Variants in DMRT2 observed in about 807,000 individuals in gnomAD.
DMRT2 encodes doublesex and mab-3 related transcription factor 2.
In DMRT2, 33 loss-of-function variants were observed where a neutral mutation model predicts 43.5. That is an observed-to-expected ratio of 0.76 (90% CI 0.58 to 1.01). The LOEUF (loss-of-function observed/expected upper bound fraction) is 1.01, where lower values mean the gene tolerates loss of function less well. Among genes scored for constraint, DMRT2 ranks in the 50% least tolerant of loss-of-function variants. The pLI is 0.00. For synonymous variants in DMRT2, 395 were observed against 309.2 expected (o/e 1.28, Z -2.91); for missense variants, 1,064 against 748.0 (o/e 1.42, Z -4.93).
intron 2 of DMRT2, chr9:1,052,916 T>G (rs982162720): frequency 6.6e-6 from 1 of 152,372 alleles, no homozygotes; most frequent in African/African-American, 2.4e-5. Flanking sequence ...AATTTTACTT[T>G]TTGGCGGAGA....
rs1350450193 is a variant in DMRT2 at position 1,051,885 on chromosome 9, C to A, written c.272C>A (p.Ala91Glu). 4 of 1,367,364 alleles carry A rather than the reference C, an allele frequency of 2.9e-6. No individual in the cohort carries two copies. The highest frequency in any genetic ancestry group is 3.7e-6 in the Non-Finnish European group (4 of 1,070,820). The allele number at this position is 1,367,364 out of a possible 1,614,324, so 84.7% of individuals were successfully genotyped here. A position where few individuals can be genotyped will look rare whatever the true frequency, so the allele number is the denominator to read the frequency against. Residue 91 changes from alanine to glutamate, a missense_variant, in exon 2 of 4, where the codon GCG (alanine) becomes GAG (glutamate). Coordinates refer to ENST00000358146, the MANE Select transcript of DMRT2 (RefSeq NM_181872.6). The surrounding 1 kb of genome is among the most constrained non-coding windows in gnomAD (Gnocchi z 5.9). The part of the protein sequence containing the change: ...RGGPQPRPPL[A>E]PQASPAGTGP... ...GGACCGCAGCCGAGGCCGCCGCTCG[C>A]GCCTCAGGCCTCACCCGCCGGCACC...
intron 3 of DMRT2, chr9:1,055,740 A>C (rs751953407): frequency 2.7e-6 from 4 of 1,500,378 alleles, no homozygotes; most frequent in Non-Finnish European, 3.6e-6. Flanking sequence ...GGATTATTCT[A>C]CAGCTATTAT....
Position 1,052,146 on chromosome 9 carries a change from C to A in DMRT2, c.525+8C>A. 7.3e-7 allele frequency: 1 copy of A among 1,373,684 alleles called. No individual in the cohort carries two copies. Among genetic ancestry groups the A allele is most frequent in the Non-Finnish European group, 9.3e-7 (1 of 1,069,774 alleles). 85.1% of individuals were successfully genotyped at this position (1,373,684 alleles called of 1,614,324 possible). A position where few individuals can be genotyped will look rare whatever the true frequency, so the allele number is the denominator to read the frequency against. On this transcript the variant is annotated splice_region_variant and intron_variant, in intron 2 of 3. Transcript: ENST00000358146. Reference sequence around the variant, plus strand: ...AGGCAGCAGGCCACCGAGGTGCGTACCCGCCCGGCCCGGGCGTCTCAGGCC... The same window carrying A: ...AGGCAGCAGGCCACCGAGGTGCGTAACCGCCCGGCCCGGGCGTCTCAGGCC...
rs1198518919 is a variant in DMRT2, at chr9:1,051,108, G to C, written c.-45+333G>C. Among the ~76,000 whole-genome samples, 4 of 152,190 alleles carry C rather than the reference G, an allele frequency of 2.6e-5. No individual in the cohort carries two copies. The highest frequency in any genetic ancestry group is 4.4e-5 in the Non-Finnish European group (3 of 68,046). On this transcript the variant is annotated intron_variant, in intron 1 of 3. Coordinates refer to ENST00000358146, the MANE Select transcript of DMRT2 (RefSeq NM_181872.6). The surrounding 1 kb of genome is among the most constrained non-coding windows in gnomAD (Gnocchi z 5.9). Reference sequence around the variant, plus strand: ...ATGAGAGGCATTTGGGAAGCATAGAGTGGTACTTCAGTGAGTCTGAAGGGC... The same window carrying C: ...ATGAGAGGCATTTGGGAAGCATAGACTGGTACTTCAGTGAGTCTGAAGGGC...
intron 3 of DMRT2, among the ~76,000 whole-genome samples, chr9:1,054,392 GCT>G (rs1233067229): frequency 1.3e-5 from 2 of 149,726 alleles, no homozygotes; most frequent in South Asian, 2.1e-4. Context: ...CTCAGATTCC[GCT>G]CTTTTTCATT....
In DMRT2 at chr9:1,052,143, G is replaced by A; in HGVS notation, c.525+5G>A. ...CGGAGGCAGCAGGCCACCGAGGTGC[G>A]TACCCGCCCGGCCCGGGCGTCTCAG... On this transcript the variant is annotated splice_donor_5th_base_variant and intron_variant, in intron 2 of 3. Transcript: ENST00000358146. 1.4e-6 allele frequency: 2 copies of A among 1,380,666 alleles called. No homozygotes were observed. The highest frequency in any genetic ancestry group is 1.6e-5 in the South Asian group (1 of 62,080). 85.5% of individuals were successfully genotyped at this position (1,380,666 alleles called of 1,614,324 possible).
intron 3 of DMRT2, chr9:1,054,509 C>T (rs548983098): frequency 6.7e-6 from 1 of 149,940 alleles, no homozygotes; most frequent in Non-Finnish European, 1.5e-5. Flanking sequence ...AAAAAGGTTT[C>T]GAATCCAGCA....
At chr9:1,052,634 G>A (rs1458071360) in intron 2 of DMRT2, among the ~76,000 whole-genome samples, 2 of 152,008 alleles carry the variant, frequency 1.3e-5, no homozygotes, top group Admixed American at 1.3e-4. Flanking sequence ...TTTTATGGAT[G>A]AGACACAAAA....
At chr9:1,054,347 G>A (rs1371481459) in intron 3 of DMRT2, among the ~76,000 whole-genome samples, 1 of 151,858 alleles carries the variant, frequency 6.6e-6, no homozygotes, top group Non-Finnish European at 1.5e-5. Flanking sequence ...ACAGCTGCTC[G>A]CAACCAGTAA....
Position 1,051,864 on chromosome 9 carries a change from C to T in DMRT2, c.251C>T (p.Pro84Leu), listed in dbSNP as rs1285784013. 7.2e-7 allele frequency: 1 copy of T among 1,387,326 alleles called. No homozygotes were observed. The allele number at this position is 1,387,326 out of a possible 1,614,324, so 85.9% of individuals were successfully genotyped here. The part of the protein sequence containing the change: ...MPGQPEQRGG[P>L]QPRPPLAPQA... ...GGCCAGCCGGAGCAGCGGGGGGGAC[C>T]GCAGCCGAGGCCGCCGCTCGCGCCT... Residue 84 changes from proline (P) to leucine (L), a missense_variant, in exon 2 of 4, where the codon CCG becomes CTG. Transcript: ENST00000358146. This position sits in a 1 kb window ranked among gnomAD's most constrained non-coding sequence, Gnocchi z 5.9.
intron 3 of DMRT2, chr9:1,055,622 C>T (rs528018527): frequency 8.3e-7 from 1 of 1,207,476 alleles, no homozygotes; most frequent in Admixed American, 3.8e-5. Context: ...TAGTTAACAG[C>T]TCTTTTCAAT....
At position 1,057,235 on chromosome 9, in the gene DMRT2, A is replaced by G. The variant is rs1251757841; in HGVS notation, c.1648A>G (p.Lys550Glu). 2 of 1,613,180 alleles carry G rather than the reference A, an allele frequency of 1.2e-6. No homozygotes were observed. Among genetic ancestry groups the G allele is most frequent in the South Asian group, 2.2e-5 (2 of 91,048 alleles). The change falls in exon 4 of 4, where the codon AAG (lysine) becomes GAG (glutamate). Residue 550 changes from lysine to glutamate, a missense_variant. Lys to Glu is a moderately conservative substitution (Grantham distance 56, BLOSUM62 1). Coordinates refer to ENST00000358146, the MANE Select transcript of DMRT2 (RefSeq NM_181872.6). ...GTCATTTTCTGTTGAGTCTATTCTT[A>G]AGAGGCCTTCATCTGCCATCACTCG... is the stretch of plus-strand genomic sequence containing the variant. ...PLSFSVESILKRPSSAITRVS... is the reference protein window; with the variant it reads ...PLSFSVESILERPSSAITRVS...
chr9:1,054,623 A>G (rs1821845988), intron 3 of DMRT2: 2 of 152,158 alleles, frequency 1.3e-5, no homozygotes, highest in South Asian at 4.1e-4. Context: ...TTCTTAAAAT[A>G]TTACTCATTT....
In DMRT2 at chr9:1,057,010, T is replaced by C. The variant is rs757957177; in HGVS notation, c.1423T>C (p.Phe475Leu). The change falls in exon 4 of 4, where the codon TTC becomes CTC. Residue 475 changes from phenylalanine (F) to leucine (L), a missense_variant. Transcript: ENST00000358146. ...TAGACATAATCCATTCCACTCATTA[T>C]TCCAGCAAACACTTACTGACAAATC... ...PLRHNPFHSL[F>L]QQTLTDKSGP... 30 of 1,614,114 alleles carry C rather than the reference T, an allele frequency of 1.9e-5. No individual in the cohort carries two copies. In the South Asian group the frequency reaches 3.3e-4, roughly 18 times the overall value.
In DMRT2 at chr9:1,051,890, C is replaced by A; in HGVS notation, c.277C>A (p.Gln93Lys). The A allele has an allele frequency of 7.3e-7, 1 of 1,366,936 alleles. No individual in the cohort carries two copies. Among genetic ancestry groups the A allele is most frequent in the Middle Eastern group, 2.7e-4 (1 of 3,736 alleles). The allele number at this position is 1,366,936 out of a possible 1,614,324, so 84.7% of individuals were successfully genotyped here. The change falls in exon 2 of 4, where the codon CAG (glutamine) becomes AAG (lysine). Residue 93 changes from glutamine (Q) to lysine (K), a missense_variant. Physicochemically the swap from Gln to Lys is moderately conservative, Grantham distance 53 (BLOSUM62 1). Transcript: ENST00000358146. The surrounding 1 kb of genome is among the most constrained non-coding windows in gnomAD (Gnocchi z 5.9). ...GPQPRPPLAP[Q>K]ASPAGTGPRE... ...GCAGCCGAGGCCGCCGCTCGCGCCTCAGGCCTCACCCGCCGGCACCGGTCC... is the reference window on the plus strand; with the variant it reads ...GCAGCCGAGGCCGCCGCTCGCGCCTAAGGCCTCACCCGCCGGCACCGGTCC...
chr9:1,057,310 CT>C lies in DMRT2; in HGVS notation c.*39del, dbSNP rs747488837. 4.5e-6 allele frequency: 7 copies of C among 1,556,824 alleles called. No homozygotes were observed. In the African/African-American group the frequency reaches 9.7e-5, roughly 22 times the overall value. The stretch of plus-strand genomic sequence containing the variant: ...AACAGAAAGCTGGATTTTCTGCAGT[CT>C]TAGAGCATTATAGCCATTTGCTACT... On this transcript the variant is annotated 3_prime_UTR_variant, in exon 4 of 4. Transcript: ENST00000358146.
At chr9:1,055,638 A>T in intron 3 of DMRT2, 2 of 1,298,694 alleles carry the variant, frequency 1.5e-6, no homozygotes, top group South Asian at 4.1e-5. Context: ...TCAATTTTCT[A>T]TGCTTCTCTA....
In DMRT2 at chr9:1,051,637, C is replaced by G. The variant is rs1821582730; in HGVS notation, c.24C>G (p.Ser8=). The G allele has an allele frequency of 1.3e-6, 2 of 1,563,832 alleles. No homozygotes were observed. Among genetic ancestry groups the G allele is most frequent in the Non-Finnish European group, 1.7e-6 (2 of 1,164,314 alleles). Reference sequence around the variant, plus strand: ...CCATGGCCGACCCGCAGGCTGGCTCCGCGGCCGGGGACTGGGAGATCGATG... The same window carrying G: ...CCATGGCCGACCCGCAGGCTGGCTCGGCGGCCGGGGACTGGGAGATCGATG... MADPQAG[S]AAGDWEIDVE... is the part of the protein sequence containing the mutation. Residue 8 remains serine, a synonymous_variant, in exon 2 of 4, where the codon TCC becomes TCG. Coordinates refer to ENST00000358146, the MANE Select transcript of DMRT2 (RefSeq NM_181872.6). This position sits in a 1 kb window ranked among gnomAD's most constrained non-coding sequence, Gnocchi z 5.9.
Position 1,056,952 on chromosome 9 carries a change from C to T in DMRT2, c.1365C>T (p.Ile455=). The change falls in exon 4 of 4, where the codon ATC becomes ATT. Residue 455 remains isoleucine, a synonymous_variant. Coordinates refer to ENST00000358146, the MANE Select transcript of DMRT2 (RefSeq NM_181872.6). ...LAAQGHVLTK[I]SKENTRHPLP... Reference sequence around the variant, plus strand: ...CTCAAGGGCATGTCTTAACGAAGATCAGCAAAGAAAACACCAGGCACCCTC... The same window carrying T: ...CTCAAGGGCATGTCTTAACGAAGATTAGCAAAGAAAACACCAGGCACCCTC... 1.9e-6 allele frequency: 3 copies of T among 1,614,194 alleles called. No individual in the cohort carries two copies. The highest frequency in any genetic ancestry group is 2.5e-6 in the Non-Finnish European group (3 of 1,180,036).
Sources: gnomAD v4.1 joint callset for allele counts (sites outside exome capture counted in the v4.1 genomes callset) on GRCh38, gnomAD v4.1.1 for gene constraint, Gnocchi (gnomAD v3.1) non-coding constraint, MANE v1.5 for transcripts, NCBI Gene and HGNC (gene_info 2026-07-23, HGNC 2026-07-21) for gene names.